Variants in UPF2 observed in about 807,000 individuals in gnomAD.
The protein encoded by UPF2 is regulator of nonsense transcripts 2.
UPF2 carries 17 observed loss-of-function variants against 141.4 expected under a neutral mutation model. The ratio of observed to expected loss-of-function variants is 0.12; its 90% confidence interval spans 0.08 to 0.18. The LOEUF is 0.18. UPF2 is among the 10% of genes least tolerant of loss of function. The pLI is 1.00. For synonymous variants in UPF2, 540 were observed against 498.0 expected, an observed-to-expected ratio of 1.08 and a Z score of -1.12; for missense variants, 1,152 against 1,515.9, an observed-to-expected ratio of 0.76 and a Z score of 3.99.
At chr10:12,032,263 C>T (rs1834537999) in intron 2 of UPF2, among the ~76,000 whole-genome samples, 1 of 148,602 alleles carries the variant, frequency 6.7e-6, no homozygotes, top group African/African-American at 2.5e-5. Flanking sequence ...CATTGCATTC[C>T]AGCCTGGGCA....
intron 15 of UPF2, 81 bp downstream of exon 15, chr10:11,951,985 G>T: frequency 2.2e-6 from 3 of 1,389,176 alleles, no homozygotes; most frequent in Non-Finnish European, 3.0e-6. Flanking sequence ...TGTAAGCTCT[G>T]ACTGGTAACA....
chr10:12,020,245 A>AT (rs201167359), intron 3 of UPF2, among the ~76,000 whole-genome samples: 10 of 151,064 alleles, frequency 6.6e-5, no homozygotes, highest in African/African-American at 1.2e-4. Context: ...TAAAAAATAA[A>AT]TTTTATTTTT....
intron 15 of UPF2, 82 bp downstream of exon 15, chr10:11,951,984 T>G: frequency 7.2e-7 from 1 of 1,392,372 alleles, no homozygotes; most frequent in Non-Finnish European, 1.0e-6. Flanking sequence ...ATGTAAGCTC[T>G]GACTGGTAAC....
In UPF2 at chr10:11,960,721, G is replaced by C. The variant is rs541138841; in HGVS notation, c.2185-1365C>G. Reference sequence around the variant, plus strand: ...GGAGTTCAAGGCCGCAGTGAGCTATGATCATGCCACTGCACTCCAGCCTGG... The same window carrying C: ...GGAGTTCAAGGCCGCAGTGAGCTATCATCATGCCACTGCACTCCAGCCTGG... On this transcript the variant is annotated intron_variant, in intron 11 of 21. Transcript: ENST00000357604. 3.9e-5 allele frequency among the ~76,000 whole-genome samples: 6 copies of C among 151,948 alleles called. No homozygotes were observed. In the South Asian group the frequency reaches 1.2e-3, roughly 32 times the overall value.
chr10:11,928,707 T>A (rs1245779396), intron 21 of UPF2: 1 of 352,134 alleles, frequency 2.8e-6, no homozygotes, highest in Non-Finnish European at 5.6e-6. Flanking sequence ...AGACTCCGCC[T>A]CAGAAAAAAA....
chr10:11,922,146 G>A (rs1248744745), intron 21 of UPF2, among the ~76,000 whole-genome samples: 1 of 152,120 alleles, frequency 6.6e-6, no homozygotes, highest in African/African-American at 2.4e-5. Context: ...TAGAAGGCAG[G>A]CCTGGAGCAG....
At chr10:12,015,151 T>C (rs943878284) in intron 3 of UPF2, among the ~76,000 whole-genome samples, 1 of 152,252 alleles carries the variant, frequency 6.6e-6, no homozygotes, top group African/African-American at 2.4e-5. Context: ...ATACATTGTT[T>C]CAAAAAGTCA....
chr10:11,949,149 T>C (rs1323324635), intron 15 of UPF2, among the ~76,000 whole-genome samples: 1 of 152,188 alleles, frequency 6.6e-6, no homozygotes. Flanking sequence ...CACTGCCCAG[T>C]CAATTCTTCT....
In UPF2 at chr10:11,936,045, C is replaced by T. The variant is rs1832845380; in HGVS notation, c.3546+500G>A. Among the ~76,000 whole-genome samples the T allele has an allele frequency of 6.6e-6, 1 of 152,110 alleles. No homozygotes were observed. Among genetic ancestry groups the T allele is most frequent in the African/African-American group, 2.4e-5 (1 of 41,426 alleles). ...GAAGTTTGTGCTAGAAGTCAAGGTA[C>T]TTACATATTCTTACAAACATGTATG... On this transcript the variant is annotated intron_variant, in intron 19 of 21. Coordinates refer to ENST00000357604, the MANE Select transcript of UPF2 (RefSeq NM_015542.4). This position sits in a 1 kb window ranked among gnomAD's most constrained non-coding sequence, Gnocchi z 6.6.
At chr10:11,971,259 T>C (rs1225409741) in intron 9 of UPF2, among the ~76,000 whole-genome samples, 2 of 110 alleles carry the variant, frequency 0.018, no homozygotes, top group Non-Finnish European at 0.5. Context: ...CATTTCTTTC[T>C]TTTTTTTTTT....
At position 12,042,245 on chromosome 10, in the gene UPF2, C is replaced by T. The variant is rs930812834; in HGVS notation, c.-19+510G>A. Among the ~76,000 whole-genome samples the T allele has an allele frequency of 2.0e-5, 3 of 151,976 alleles. No homozygotes were observed. The highest frequency in any genetic ancestry group is 4.4e-5 in the Non-Finnish European group (3 of 67,988). ...CCTTCCCACAGGTATCCACGGTCAC[C>T]TTCGCGGACCATCGCTGCCCCAACC... On this transcript the variant is annotated intron_variant, in intron 1 of 21. Transcript: ENST00000357604. The surrounding 1 kb of genome is among the most constrained non-coding windows in gnomAD (Gnocchi z 5.5).
intron 8 of UPF2, among the ~76,000 whole-genome samples, chr10:11,983,623 C>G (rs1407333478): frequency 6.6e-6 from 1 of 152,162 alleles, no homozygotes; most frequent in African/African-American, 2.4e-5. Flanking sequence ...CCACCTGCTT[C>G]AGCCTCCCAA....
chr10:11,928,887 C>T (rs547080001), intron 21 of UPF2, among the ~76,000 whole-genome samples: 7 of 152,318 alleles, frequency 4.6e-5, no homozygotes, highest in Admixed American at 2.6e-4. Flanking sequence ...TGGTGGCTCA[C>T]GCCTGTAATC....
chr10:12,012,703 G>A (rs1834150702), intron 4 of UPF2, among the ~76,000 whole-genome samples: 1 of 151,558 alleles, frequency 6.6e-6, no homozygotes, highest in Non-Finnish European at 1.5e-5. Flanking sequence ...GGAGGCTGAG[G>A]CAGAAGAATG....
At chr10:12,025,102 G>A (rs758041524) in intron 3 of UPF2, among the ~76,000 whole-genome samples, 4 of 152,088 alleles carry the variant, frequency 2.6e-5, no homozygotes, top group Non-Finnish European at 4.4e-5. Flanking sequence ...GCTCAGTCAC[G>A]TATCTGCATC....
chr10:12,025,320 G>A (rs1031218281), intron 3 of UPF2, among the ~76,000 whole-genome samples: 4 of 152,178 alleles, frequency 2.6e-5, no homozygotes, highest in African/African-American at 4.8e-5. Flanking sequence ...GGAGGCCGAG[G>A]TGTGCAGATC....
intron 5 of UPF2, among the ~76,000 whole-genome samples, chr10:12,003,842 T>G (rs571646710): frequency 3.5e-4 from 52 of 148,046 alleles, no homozygotes; most frequent in African/African-American, 1.2e-3. Flanking sequence ...GGAGAATCAC[T>G]TGCACCTGGG....
intron 8 of UPF2, among the ~76,000 whole-genome samples, chr10:11,993,811 CA>C (rs748701619): frequency 0.01 from 1,508 of 143,776 alleles, 19 homozygotes; most frequent in Non-Finnish European, 0.011. Context: ...TCGACCCTAC[CA>C]AAAAAAAAAA....
chr10:11,972,063 CAAAAA>C (rs58355538), intron 9 of UPF2, among the ~76,000 whole-genome samples: 2 of 101,030 alleles, frequency 2.0e-5, no homozygotes, highest in Non-Finnish European at 4.2e-5. Context: ...GACTCTGTCT[CAAAAA>C]AAAAAAAAAA....
Sources: allele counts gnomAD v4.1 joint callset (sites outside exome capture counted in the v4.1 genomes callset), GRCh38; gene constraint gnomAD v4.1.1; non-coding constraint Gnocchi (gnomAD v3.1); transcripts MANE v1.5; gene names NCBI Gene and HGNC (gene_info 2026-07-23, HGNC 2026-07-21).